Variants in BTBD1 observed in about 807,000 individuals in gnomAD.
The protein encoded by BTBD1 is BTB/POZ domain-containing protein 1.
BTBD1 carries 34 observed loss-of-function variants against 48.0 expected under a neutral mutation model. The observed-to-expected ratio is 0.71, with a 90% CI of 0.54 to 0.94. BTBD1 has a LOEUF of 0.94. Among genes scored for constraint, BTBD1 ranks in the 40% least tolerant of loss-of-function variants. The probability of loss-of-function intolerance (pLI) is 0.00; values close to 1 mark genes in which losing one functional copy is unlikely to be tolerated. For missense variants in BTBD1, 543 were observed against 625.6 expected (o/e 0.87, Z 1.41); for synonymous variants, 261 against 242.1 (o/e 1.08, Z -0.72).
chr15:83,061,320 G>A (rs578060921), intron 1 of BTBD1, among the ~76,000 whole-genome samples: 1 of 152,280 alleles, frequency 6.6e-6, no homozygotes, highest in Admixed American at 6.5e-5. Context: ...GCAGTCCACT[G>A]TTCACCAAAA....
At chr15:83,057,432 G>A (rs967740192) in intron 1 of BTBD1, among the ~76,000 whole-genome samples, 4 of 152,054 alleles carry the variant, frequency 2.6e-5, no homozygotes, top group Non-Finnish European at 5.9e-5. Context: ...TTTGAATAAC[G>A]CCTGACAAAA....
intron 4 of BTBD1, among the ~76,000 whole-genome samples, chr15:83,033,205 C>T (rs757558708): frequency 4.0e-5 from 6 of 151,882 alleles, no homozygotes; most frequent in Admixed American, 6.6e-5. Context: ...CACAGCAGGG[C>T]CCCATCTCTT....
chr15:83,051,712 T>C (rs1364856521), intron 2 of BTBD1, among the ~76,000 whole-genome samples: 1 of 151,918 alleles, frequency 6.6e-6, no homozygotes, highest in African/African-American at 2.4e-5. Context: ...TCCTTATTTT[T>C]TTTTAACTGC....
At chr15:83,062,825 C>T in intron 1 of BTBD1, among the ~76,000 whole-genome samples, 1 of 152,078 alleles carries the variant, frequency 6.6e-6, no homozygotes, top group Non-Finnish European at 1.5e-5. Context: ...TACCTCGTGC[C>T]CCTTCCAGCC....
At chr15:83,030,433 T>C (rs1342730071) in intron 4 of BTBD1, 105 bp from the exon 5 acceptor site, 3 of 919,630 alleles carry the variant, frequency 3.3e-6, no homozygotes, top group Admixed American at 2.5e-5. Flanking sequence ...AACATAAAAA[T>C]AGGGGAAAAA....
intron 4 of BTBD1, among the ~76,000 whole-genome samples, chr15:83,039,983 T>TCA (rs2032714086): frequency 8.7e-6 from 1 of 115,558 alleles, no homozygotes; most frequent in South Asian, 2.4e-4. Flanking sequence ...GTAGAGAATG[T>TCA]GACACACACA....
At chr15:83,051,017 T>C (rs112895907) in intron 2 of BTBD1, among the ~76,000 whole-genome samples, 4 of 146,674 alleles carry the variant, frequency 2.7e-5, no homozygotes, top group East Asian at 2.0e-4. Context: ...ACATATGTTA[T>C]AACCCTCCCC....
At position 83,016,741 on chromosome 15, in the gene BTBD1, T is replaced by C. The variant is rs950393211; in HGVS notation, c.*1326A>G. 2 of 152,184 alleles carry C rather than the reference T, an allele frequency of 1.3e-5. No individual in the cohort carries two copies. The highest frequency in any genetic ancestry group is 1.3e-4 in the Admixed American group (2 of 15,276). 9.4% of individuals were successfully genotyped at this position (152,184 alleles called of 1,614,324 possible). A position where few individuals can be genotyped will look rare whatever the true frequency, so the allele number is the denominator to read the frequency against. ...GTTTATATCCGTAAGAGCATTACCA[T>C]AGAAAAATTTCCCTTTAGCAATTTC... is the stretch of plus-strand genomic sequence containing the variant. On this transcript the variant is annotated 3_prime_UTR_variant, in exon 8 of 8. Transcript: ENST00000261721.
At chr15:83,030,397 A>C (rs2032493627) in intron 4 of BTBD1, 69 bp from the exon 5 acceptor site, 3 of 1,330,700 alleles carry the variant, frequency 2.3e-6, no homozygotes, top group Non-Finnish European at 3.2e-6. Context: ...GAATTCACTT[A>C]ACGTAAATTC....
chr15:83,034,845 A>G (rs1182567782), intron 4 of BTBD1, among the ~76,000 whole-genome samples: 3 of 152,212 alleles, frequency 2.0e-5, no homozygotes, highest in Non-Finnish European at 4.4e-5. Context: ...AAGCAAATCA[A>G]TAGATAGATA....
At chr15:83,046,216 C>T (rs1224708559) in intron 3 of BTBD1, among the ~76,000 whole-genome samples, 1 of 151,684 alleles carries the variant, frequency 6.6e-6, no homozygotes, top group Non-Finnish European at 1.5e-5. Flanking sequence ...GGCAACATGG[C>T]GAAACCCCGT....
Position 83,067,209 on chromosome 15 carries a change from CGCCTCCGGAGGCCGGCGCT to C in BTBD1, c.-77_-59del, listed in dbSNP as rs2033302195. On this transcript the variant is annotated 5_prime_UTR_variant, in exon 1 of 8. Coordinates refer to ENST00000261721, the MANE Select transcript of BTBD1 (RefSeq NM_025238.4). ...AAAACTCCGCCGCCATCGCCCAGGC[CGCCTCCGGAGGCCGGCGCT>C]GCCTCCCTGCCTTCCGGGAAAGGCG... 4 of 1,337,368 alleles carry C rather than the reference CGCCTCCGGAGGCCGGCGCT, an allele frequency of 3.0e-6. No individual in the cohort carries two copies. Among genetic ancestry groups the C allele is most frequent in the African/African-American group, 3.0e-5 (2 of 65,774 alleles). The allele number at this position is 1,337,368 out of a possible 1,614,324, so 82.8% of individuals were successfully genotyped here.
At chr15:83,058,875 A>C (rs1248348759) in intron 1 of BTBD1, among the ~76,000 whole-genome samples, 2 of 152,186 alleles carry the variant, frequency 1.3e-5, no homozygotes, top group Non-Finnish European at 2.9e-5. Context: ...AGGTTTGTAG[A>C]GAAATTTCTG....
chr15:83,035,753 T>C (rs1270695394), intron 4 of BTBD1, among the ~76,000 whole-genome samples: 3 of 151,850 alleles, frequency 2.0e-5, no homozygotes, highest in African/African-American at 7.3e-5. Flanking sequence ...ATGGAAAACA[T>C]ACTGTAATAG....
chr15:83,034,114 G>T (rs918738223), intron 4 of BTBD1, among the ~76,000 whole-genome samples: 6 of 142,362 alleles, frequency 4.2e-5, no homozygotes, highest in Non-Finnish European at 3.1e-5. Flanking sequence ...AAAAGAAAAA[G>T]AAAAAGAAAG....
At chr15:83,039,238 A>C (rs2151305843) in intron 4 of BTBD1, among the ~76,000 whole-genome samples, 1 of 152,328 alleles carries the variant, frequency 6.6e-6, no homozygotes, top group East Asian at 1.9e-4. Context: ...GACATTTCTC[A>C]AAAGAAGATA....
At chr15:83,034,101 A>G (rs1376653885) in intron 4 of BTBD1, among the ~76,000 whole-genome samples, 1 of 150,854 alleles carries the variant, frequency 6.6e-6, no homozygotes, top group Non-Finnish European at 1.5e-5. Context: ...AAAAAAAAAA[A>G]AAAAAAGAAA....
intron 4 of BTBD1, among the ~76,000 whole-genome samples, chr15:83,034,976 C>T (rs1031094242): frequency 6.6e-6 from 1 of 152,112 alleles, no homozygotes; most frequent in South Asian, 2.1e-4. Context: ...ACATTCTTCT[C>T]AAGTATACAT....
intron 1 of BTBD1, among the ~76,000 whole-genome samples, chr15:83,057,423 T>G (rs77719086): frequency 6.6e-6 from 1 of 152,212 alleles, no homozygotes; most frequent in African/African-American, 2.4e-5. Context: ...ACAAAGCATT[T>G]TGAATAACGC....
Sources: gnomAD v4.1 joint callset for allele counts (sites outside exome capture counted in the v4.1 genomes callset) on GRCh38, gnomAD v4.1.1 for gene constraint, MANE v1.5 for transcripts, NCBI Gene and HGNC (gene_info 2026-07-23, HGNC 2026-07-21) for gene names.